The following PPP6R2 variants were observed in gnomAD, a reference collection of about 807,000 sequenced individuals.
PPP6R2 encodes protein phosphatase 6 regulatory subunit 2.
Under a neutral mutation model 100.2 loss-of-function variants are expected in PPP6R2, and 62 were observed. The ratio of observed to expected loss-of-function variants is 0.62; its 90% confidence interval spans 0.50 to 0.76. PPP6R2 has a LOEUF of 0.76. Ranked by LOEUF, PPP6R2 falls within the 30% of genes least tolerant of loss-of-function variation. The pLI is 0.00. For synonymous variants in PPP6R2, 525 were observed against 514.7 expected (o/e 1.02, Z -0.27); for missense variants, 1,142 against 1,276.3 (o/e 0.89, Z 1.60).
Position 50,437,391 on chromosome 22 carries a change from A to G in PPP6R2, c.1684-115A>G. On this transcript the variant is annotated intron_variant, in intron 15 of 23. Coordinates refer to ENST00000612753, the MANE Select transcript of PPP6R2 (RefSeq NM_001242898.2). ...AGAGTTTACTGCCCACTTGTGCTGG[A>G]GGAGAAGCTCCCGAACAACTAGAGA... is the stretch of plus-strand genomic sequence containing the variant. 4 of 744,254 alleles carry G rather than the reference A, an allele frequency of 5.4e-6. 1 individual carries two copies. The Admixed American group carries it at 8.4e-5, about 16-fold the overall frequency. The allele number at this position is 744,254 out of a possible 1,614,324, so 46.1% of individuals were successfully genotyped here.
chr22:50,379,262 A>T (rs2052353981), intron 2 of PPP6R2, among the ~76,000 whole-genome samples: 2 of 152,106 alleles, frequency 1.3e-5, no homozygotes, highest in Admixed American at 1.3e-4. Flanking sequence ...TTGAGAGGCT[A>T]AGAAGGGTGG....
chr22:50,441,143 C>T, intron 22 of PPP6R2, 117 bp downstream of exon 22: 2 of 924,672 alleles, frequency 2.2e-6, no homozygotes, highest in Non-Finnish European at 3.2e-6. Context: ...GTCTTCTCCA[C>T]ACTGCCTCCC....
At chr22:50,410,414 T>G (rs2059573247) in intron 4 of PPP6R2, among the ~76,000 whole-genome samples, 1 of 152,038 alleles carries the variant, frequency 6.6e-6, no homozygotes, top group African/African-American at 2.4e-5. Context: ...CTTAAGCATC[T>G]TTCACTAGAT....
Position 50,444,183 on chromosome 22 carries a change from C to T in PPP6R2, c.2832-16C>T, listed in dbSNP as rs2066542099. ...CCCGCAGCCCGCACGGTTCCAACCC[C>T]ACCCCATTCCTGCAGGAAGACAGAT... On this transcript the variant is annotated splice_polypyrimidine_tract_variant and intron_variant, in intron 23 of 23. Coordinates refer to ENST00000612753, the MANE Select transcript of PPP6R2 (RefSeq NM_001242898.2). 3 of 1,612,702 alleles carry T rather than the reference C, an allele frequency of 1.9e-6. No individual in the cohort carries two copies. The East Asian group carries it at 6.7e-5, about 36-fold the overall frequency.
intron 8 of PPP6R2, among the ~76,000 whole-genome samples, chr22:50,422,020 A>G (rs746094744): frequency 3.9e-5 from 6 of 152,028 alleles, no homozygotes; most frequent in South Asian, 2.1e-4. Context: ...CCCTGCCTCC[A>G]TATTCTCGGA....
At chr22:50,376,030 A>G (rs1467621967) in intron 2 of PPP6R2, among the ~76,000 whole-genome samples, 1 of 151,688 alleles carries the variant, frequency 6.6e-6, no homozygotes, top group Non-Finnish European at 1.5e-5. Flanking sequence ...ACGGGGTTTC[A>G]CTGTGTTGGC....
intron 1 of PPP6R2, among the ~76,000 whole-genome samples, chr22:50,350,528 G>T (rs1451091022): frequency 6.6e-6 from 1 of 150,956 alleles, no homozygotes; most frequent in African/African-American, 2.4e-5. Context: ...CACTGCGACC[G>T]GCCTGAAATG....
At chr22:50,356,025 C>T (rs1176107518) in intron 1 of PPP6R2, among the ~76,000 whole-genome samples, 1 of 149,218 alleles carries the variant, frequency 6.7e-6, no homozygotes, top group Non-Finnish European at 1.5e-5. Context: ...TGCAGTGGCG[C>T]GATCTCGGCT....
In PPP6R2 at chr22:50,343,523, C is replaced by G. The variant is rs937104700; in HGVS notation, c.-175C>G. The stretch of plus-strand genomic sequence containing the variant: ...GGCCTCCACACGGGCCTCCGAAGAG[C>G]TGCCGCGACGCCCGGCCCGCAGGGC... On this transcript the variant is annotated 5_prime_UTR_variant, in exon 1 of 24. Coordinates refer to ENST00000612753, the MANE Select transcript of PPP6R2 (RefSeq NM_001242898.2). 6.6e-6 allele frequency: 1 copy of G among 152,006 alleles called. No homozygotes were observed. The highest frequency in any genetic ancestry group is 2.4e-5 in the African/African-American group (1 of 41,362). The allele number at this position is 152,006 out of a possible 1,614,324, so 9.4% of individuals were successfully genotyped here. A position where few individuals can be genotyped will look rare whatever the true frequency, so the allele number is the denominator to read the frequency against.
chr22:50,443,720 C>G, intron 22 of PPP6R2, 146 bp from the exon 23 acceptor site: 1 of 1,185,836 alleles, frequency 8.4e-7, no homozygotes, highest in Non-Finnish European at 1.2e-6. Context: ...CAACCTGGGC[C>G]ACCCCACAAA....
Position 50,431,532 on chromosome 22 carries a change from C to T in PPP6R2, c.1335+150C>T, listed in dbSNP as rs976371224. The T allele has an allele frequency of 6.3e-5, 44 of 693,194 alleles. No individual in the cohort carries two copies. The highest frequency in any genetic ancestry group is 9.3e-5 in the Non-Finnish European group (39 of 418,624). 42.9% of individuals were successfully genotyped at this position (693,194 alleles called of 1,614,324 possible). On this transcript the variant is annotated intron_variant, in intron 11 of 23. Coordinates refer to ENST00000612753, the MANE Select transcript of PPP6R2 (RefSeq NM_001242898.2). This position sits in a 1 kb window ranked among gnomAD's most constrained non-coding sequence, Gnocchi z 4.8. Reference sequence around the variant, plus strand: ...GTCCCCAGGTGTCTGGTCAGACGCTCGTAGACAGTGGGGCTTGAGTGGGTC... The same window carrying T: ...GTCCCCAGGTGTCTGGTCAGACGCTTGTAGACAGTGGGGCTTGAGTGGGTC...
At chr22:50,437,790 A>C (rs998186861) in intron 16 of PPP6R2, 53 bp from the exon 17 acceptor site, 1 of 1,532,498 alleles carries the variant, frequency 6.5e-7, no homozygotes, top group African/African-American at 1.4e-5. Context: ...CTGAGGCCCC[A>C]GATGAGCAGT....
At chr22:50,390,657 C>G (rs2148825760) in intron 2 of PPP6R2, among the ~76,000 whole-genome samples, 1 of 151,030 alleles carries the variant, frequency 6.6e-6, no homozygotes, top group South Asian at 2.1e-4. Context: ...GAAACTCCGT[C>G]TCAAAAAAAA....
At chr22:50,368,471 G>T (rs1401276091) in intron 1 of PPP6R2, among the ~76,000 whole-genome samples, 4 of 152,114 alleles carry the variant, frequency 2.6e-5, no homozygotes, top group Non-Finnish European at 5.9e-5. Flanking sequence ...GTATGGCCTG[G>T]TTTTTCCTAG....
At chr22:50,357,177 AAATATT>A (rs1250618494) in intron 1 of PPP6R2, among the ~76,000 whole-genome samples, 1 of 152,082 alleles carries the variant, frequency 6.6e-6, no homozygotes, top group Non-Finnish European at 1.5e-5. Context: ...TTTTTTTGTG[AAATATT>A]AATATCTATT....
chr22:50,427,212 T>C (rs1016101922), intron 10 of PPP6R2, among the ~76,000 whole-genome samples: 1 of 149,166 alleles, frequency 6.7e-6, no homozygotes, highest in African/African-American at 2.5e-5. Flanking sequence ...AAACAGCTGG[T>C]GATGTGTGCA....
In PPP6R2 at chr22:50,436,458, G is replaced by C; in HGVS notation, c.1602+6G>C. 6.3e-7 allele frequency: 1 copy of C among 1,580,922 alleles called. No individual in the cohort carries two copies. Among genetic ancestry groups the C allele is most frequent in the Non-Finnish European group, 8.6e-7 (1 of 1,164,372 alleles). ...GCAGGAACACTGTGGACCTGGTGAG[G>C]AGGCTCGGGGCTGCCCCCTCGGTGC... On this transcript the variant is annotated splice_donor_region_variant and intron_variant, in intron 14 of 23. Transcript: ENST00000612753.
chr22:50,362,659 T>G (rs1049142168), intron 1 of PPP6R2, among the ~76,000 whole-genome samples: 1 of 152,250 alleles, frequency 6.6e-6, no homozygotes, highest in Admixed American at 6.5e-5. Flanking sequence ...GAGGGAGGCC[T>G]TTAGGAGATA....
chr22:50,376,749 T>G (rs575173786), intron 2 of PPP6R2, among the ~76,000 whole-genome samples: 132 of 152,080 alleles, frequency 8.7e-4, no homozygotes, highest in African/African-American at 3.1e-3. Flanking sequence ...TTTAAAGAAA[T>G]AAATATTTGG....
Sources: allele counts gnomAD v4.1 joint callset (sites outside exome capture counted in the v4.1 genomes callset), GRCh38; gene constraint gnomAD v4.1.1; non-coding constraint Gnocchi (gnomAD v3.1); transcripts MANE v1.5; gene names NCBI Gene and HGNC (gene_info 2026-07-23, HGNC 2026-07-21).